Variants in GALNT18 observed in about 807,000 individuals in gnomAD.
GALNT18 encodes polypeptide N-acetylgalactosaminyltransferase 18.
Under a neutral mutation model 69.5 loss-of-function variants are expected in GALNT18, and 44 were observed. The observed-to-expected ratio is 0.63, with a 90% CI of 0.50 to 0.81. The LOEUF is 0.81. Ranked by LOEUF, GALNT18 falls within the 40% of genes least tolerant of loss-of-function variation. GALNT18 has a pLI of 0.00. For missense variants in GALNT18, 715 were observed against 810.0 expected (o/e 0.88, Z 1.42); for synonymous variants, 364 against 318.2 (o/e 1.14, Z -1.53).
rs531150882 is a variant in GALNT18, at chr11:11,457,229, C to T, written c.236-8293G>A. ...ACTGCACAATGGAGTGGGGAGGAAA[C>T]GGGCTTCAGAGTGAAAGGGGTATTG... On this transcript the variant is annotated intron_variant, in intron 1 of 10. Transcript: ENST00000227756. Among the ~76,000 whole-genome samples, 17 of 152,290 alleles carry T rather than the reference C, an allele frequency of 1.1e-4. 1 individual carries two copies. In the East Asian group the frequency reaches 1.2e-3, roughly 10 times the overall value.
chr11:11,554,258 T>C (rs905821048), intron 1 of GALNT18, among the ~76,000 whole-genome samples: 1 of 152,134 alleles, frequency 6.6e-6, no homozygotes, highest in Admixed American at 6.6e-5. Context: ...TCAGTGGGCT[T>C]GTTCCCCTTT....
chr11:11,582,676 G>T lies in GALNT18; in HGVS notation c.235+38683C>A, dbSNP rs1295312185. On this transcript the variant is annotated intron_variant, in intron 1 of 10. Coordinates refer to ENST00000227756, the MANE Select transcript of GALNT18 (RefSeq NM_198516.3). This position sits in a 1 kb window ranked among gnomAD's most constrained non-coding sequence, Gnocchi z 5.0. ...TAGAAATACACATTGAGGGCTAAAA[G>T]CCTTTGTGATGTTGCTCCAGCATAA... is the stretch of plus-strand genomic sequence containing the variant. Among the ~76,000 whole-genome samples, 8 of 152,226 alleles carry T rather than the reference G, an allele frequency of 5.3e-5. No individual in the cohort carries two copies. The East Asian group carries it at 5.8e-4, about 11-fold the overall frequency.
At chr11:11,609,791 C>T (rs559923602) in intron 1 of GALNT18, among the ~76,000 whole-genome samples, 5 of 152,176 alleles carry the variant, frequency 3.3e-5, no homozygotes, top group Admixed American at 2.0e-4. Context: ...CCATTTCATA[C>T]GTTTAACTCC....
At chr11:11,420,343 C>G (rs776959601) in intron 3 of GALNT18, among the ~76,000 whole-genome samples, 1 of 152,070 alleles carries the variant, frequency 6.6e-6, no homozygotes, top group Non-Finnish European at 1.5e-5. Flanking sequence ...GCTCATCTTC[C>G]GAAAGATAAT....
At chr11:11,443,614 C>T (rs1236882888) in intron 2 of GALNT18, among the ~76,000 whole-genome samples, 2 of 151,732 alleles carry the variant, frequency 1.3e-5, no homozygotes, top group Non-Finnish European at 2.9e-5. Flanking sequence ...GCGGCTGGGG[C>T]CATGGGGGAT....
At chr11:11,379,300 G>T in intron 3 of GALNT18, 36 bp from the exon 4 acceptor site, 3 of 1,583,682 alleles carry the variant, frequency 1.9e-6, no homozygotes, top group Non-Finnish European at 1.7e-6. Context: ...GCATGGGAGG[G>T]AGGTCAGGAG....
At chr11:11,539,698 C>A (rs781572569) in intron 1 of GALNT18, among the ~76,000 whole-genome samples, 6 of 152,188 alleles carry the variant, frequency 3.9e-5, no homozygotes, top group Non-Finnish European at 8.8e-5. Flanking sequence ...GCTAATGGGT[C>A]CATCTCAATC....
intron 6 of GALNT18, among the ~76,000 whole-genome samples, chr11:11,345,190 T>C (rs1257919013): frequency 6.6e-6 from 1 of 152,128 alleles, no homozygotes; most frequent in Non-Finnish European, 1.5e-5. Flanking sequence ...CACTCATCTA[T>C]AGAGAAGGTA....
Position 11,372,517 on chromosome 11 carries a change from T to C in GALNT18, c.1090A>G (p.Arg364Gly). 6.2e-7 allele frequency: 1 copy of C among 1,613,804 alleles called. No individual in the cohort carries two copies. The highest frequency in any genetic ancestry group is 8.5e-7 in the Non-Finnish European group (1 of 1,179,650). Residue 364 changes from arginine (R) to glycine (G), a missense_variant and splice_region_variant, in exon 6 of 11, where the codon AGG becomes GGG. By Grantham distance (125) the Arg-to-Gly change is moderately radical. Transcript: ENST00000227756. This position sits in a 1 kb window ranked among gnomAD's most constrained non-coding sequence, Gnocchi z 4.9. ...YGGENVELGIRVWQCGGSVEV... is the reference protein window; with the variant it reads ...YGGENVELGIGVWQCGGSVEV... ...TTTGAGTGAGAAACCCCACTCACCC[T>C]GATCCCAAGCTCCACATTCTCGCCC... is the stretch of plus-strand genomic sequence containing the variant.
intron 9 of GALNT18, among the ~76,000 whole-genome samples, chr11:11,304,871 C>G (rs1849554000): frequency 6.6e-6 from 1 of 152,114 alleles, no homozygotes; most frequent in Non-Finnish European, 1.5e-5. Flanking sequence ...AGGAGCTGCC[C>G]CTTTGGCCCT....
chr11:11,493,595 G>A (rs1856816294), intron 1 of GALNT18, among the ~76,000 whole-genome samples: 1 of 152,178 alleles, frequency 6.6e-6, no homozygotes, highest in Non-Finnish European at 1.5e-5. Context: ...GTGATGCTCA[G>A]TAAGTGATTG....
At chr11:11,312,541 G>A (rs960267790) in intron 9 of GALNT18, among the ~76,000 whole-genome samples, 4 of 152,144 alleles carry the variant, frequency 2.6e-5, no homozygotes, top group Non-Finnish European at 4.4e-5. Flanking sequence ...AGGAGGGGTT[G>A]TCTTGCTGTG....
rs1854092900 is a variant in GALNT18, at chr11:11,387,905, C to T, written c.596-8641G>A. ...TGTCTTGAAGATCACTCCAGACAAG[C>T]TTTCAAACCCTGGGCAGTTTACAAA... On this transcript the variant is annotated intron_variant, in intron 3 of 10. Transcript: ENST00000227756. The surrounding 1 kb of genome is among the most constrained non-coding windows in gnomAD (Gnocchi z 4.6). Among the ~76,000 whole-genome samples, 3 of 152,226 alleles carry T rather than the reference C, an allele frequency of 2.0e-5. 1 individual carries two copies. In the South Asian group the frequency reaches 6.2e-4, roughly 32 times the overall value.
intron 1 of GALNT18, among the ~76,000 whole-genome samples, chr11:11,452,533 C>T (rs921669740): frequency 3.3e-5 from 5 of 152,226 alleles, no homozygotes; most frequent in Non-Finnish European, 7.3e-5. Context: ...CTGACGCCTT[C>T]CAGCCCCACA....
rs1564918001 is a variant in GALNT18, at chr11:11,377,045, C to CT, written c.977+136dup. 6 of 702,582 alleles carry CT rather than the reference C, an allele frequency of 8.5e-6. No homozygotes were observed. The highest frequency in any genetic ancestry group is 1.5e-5 in the Non-Finnish European group (6 of 412,922). 43.5% of individuals were successfully genotyped at this position (702,582 alleles called of 1,614,324 possible). A position where few individuals can be genotyped will look rare whatever the true frequency, so the allele number is the denominator to read the frequency against. ...CCTGTGGCAGTGACTGAAGATCAGA[C>CT]TGCAGTTCCTTTCGACCCTGCCCAC... On this transcript the variant is annotated intron_variant, in intron 5 of 10. Transcript: ENST00000227756. The surrounding 1 kb of genome is among the most constrained non-coding windows in gnomAD (Gnocchi z 4.6).
Position 11,432,807 on chromosome 11 carries a change from G to C in GALNT18, c.429-20C>G, listed in dbSNP as rs557191716. 2 of 1,607,768 alleles carry C rather than the reference G, an allele frequency of 1.2e-6. No homozygotes were observed. The highest frequency in any genetic ancestry group is 2.7e-5 in the African/African-American group (2 of 74,966). On this transcript the variant is annotated intron_variant, in intron 2 of 10. Transcript: ENST00000227756. The surrounding 1 kb of genome is among the most constrained non-coding windows in gnomAD (Gnocchi z 5.8). ...CGGCACCTGCAAAGAACAGCCAAGC[G>C]CTTAGATTTGTGACTCAGCTGGAGT...
chr11:11,580,807 T>A (rs921980660), intron 1 of GALNT18, among the ~76,000 whole-genome samples: 1 of 152,232 alleles, frequency 6.6e-6, no homozygotes, highest in African/African-American at 2.4e-5. Context: ...GATGGACAGC[T>A]CTTTACCAGC....
At position 11,320,031 on chromosome 11, in the gene GALNT18, G is replaced by A. The variant is rs563788212; in HGVS notation, c.1512+7055C>T. On this transcript the variant is annotated intron_variant, in intron 9 of 10. Coordinates refer to ENST00000227756, the MANE Select transcript of GALNT18 (RefSeq NM_198516.3). The surrounding 1 kb of genome is among the most constrained non-coding windows in gnomAD (Gnocchi z 4.9). Reference sequence around the variant, plus strand: ...TCTCTCTTATGCTGCTACAAGCCAAGGGACCACCAACCACCAGCCAATTTC... The same window carrying A: ...TCTCTCTTATGCTGCTACAAGCCAAAGGACCACCAACCACCAGCCAATTTC... Among the ~76,000 whole-genome samples the A allele has an allele frequency of 1.3e-5, 2 of 152,140 alleles. No homozygotes were observed. The highest frequency in any genetic ancestry group is 2.4e-5 in the African/African-American group (1 of 41,432).
At position 11,470,966 on chromosome 11, in the gene GALNT18, T is replaced by C. The variant is rs1173075380; in HGVS notation, c.236-22030A>G. 6.6e-6 allele frequency among the ~76,000 whole-genome samples: 1 copy of C among 152,134 alleles called. No homozygotes were observed. Among genetic ancestry groups the C allele is most frequent in the Non-Finnish European group, 1.5e-5 (1 of 68,028 alleles). Reference sequence around the variant, plus strand: ...CTTCTTGATTTCTCCCCATTCATACTCAGGGGCCCGGGCACATCAATATCC... The same window carrying C: ...CTTCTTGATTTCTCCCCATTCATACCCAGGGGCCCGGGCACATCAATATCC... On this transcript the variant is annotated intron_variant, in intron 1 of 10. Transcript: ENST00000227756. The surrounding 1 kb of genome is among the most constrained non-coding windows in gnomAD (Gnocchi z 4.8).
Sources: gnomAD v4.1 joint callset for allele counts (sites outside exome capture counted in the v4.1 genomes callset) on GRCh38, gnomAD v4.1.1 for gene constraint, Gnocchi (gnomAD v3.1) non-coding constraint, MANE v1.5 for transcripts, NCBI Gene and HGNC (gene_info 2026-07-23, HGNC 2026-07-21) for gene names.